Variants in RERE observed in about 807,000 individuals in gnomAD.
RERE encodes the protein arginine-glutamic acid dipeptide repeats protein.
RERE carries 40 observed loss-of-function variants against 146.1 expected under a neutral mutation model. That is an observed-to-expected ratio of 0.27 (90% CI 0.21 to 0.36). The LOEUF (loss-of-function observed/expected upper bound fraction) is 0.36, where lower values mean the gene tolerates loss of function less well. Among genes scored for constraint, RERE ranks in the 10% least tolerant of loss-of-function variants. RERE has a pLI of 1.00. For synonymous variants in RERE, 1,003 were observed against 866.0 expected, an observed-to-expected ratio of 1.16 and a Z score of -2.78; for missense variants, 1,933 against 2,138.7, an observed-to-expected ratio of 0.90 and a Z score of 1.90.
intron 12 of RERE, among the ~76,000 whole-genome samples, chr1:8,373,536 A>C (rs756478945): frequency 2.0e-4 from 30 of 152,304 alleles, no homozygotes; most frequent in Non-Finnish European, 4.0e-4. Flanking sequence ...AGGGAGAAAG[A>C]AGCATGGTGT....
At chr1:8,753,581 G>A (rs958427642) in intron 1 of RERE, 7 of 152,074 alleles carry the variant, frequency 4.6e-5, no homozygotes, top group Non-Finnish European at 7.4e-5. Flanking sequence ...ATTTAAAAAT[G>A]CTAATGAAAA....
At chr1:8,552,259 A>G (rs1645944422) in intron 6 of RERE, among the ~76,000 whole-genome samples, 1 of 152,236 alleles carries the variant, frequency 6.6e-6, no homozygotes, top group Non-Finnish European at 1.5e-5. Context: ...CAACTCTAGC[A>G]CCAGCTTGAA....
chr1:8,355,171 G>A (rs770563081), intron 22 of RERE, 51 bp from the exon 23 acceptor site: 5 of 1,596,082 alleles, frequency 3.1e-6, no homozygotes, highest in Middle Eastern at 3.3e-4. Context: ...TAGGCAGGCA[G>A]TCACGCAGGC....
chr1:8,525,941 T>C, intron 7 of RERE: 1 of 1,349,980 alleles, frequency 7.4e-7, no homozygotes, highest in Non-Finnish European at 9.5e-7. Flanking sequence ...ACCTAAGCCT[T>C]CACGCAGAAC....
intron 4 of RERE, among the ~76,000 whole-genome samples, chr1:8,590,547 A>C (rs75525814): frequency 0.021 from 3,159 of 152,270 alleles, 106 homozygotes; most frequent in African/African-American, 0.073. Context: ...ATGGAAATGC[A>C]GTGCGGCCCA....
intron 1 of RERE, among the ~76,000 whole-genome samples, chr1:8,752,365 A>G (rs1557521385): frequency 6.6e-6 from 1 of 152,180 alleles, no homozygotes; most frequent in Non-Finnish European, 1.5e-5. Context: ...TAAAAAAAGA[A>G]AAAAAATACT....
chr1:8,705,879 G>C (rs1210608166), intron 1 of RERE, among the ~76,000 whole-genome samples: 2 of 152,130 alleles, frequency 1.3e-5, no homozygotes, highest in African/African-American at 4.8e-5. Context: ...CACTTTGGGA[G>C]GCCGAGGTGG....
chr1:8,716,298 AC>A lies in RERE; in HGVS notation c.-144-59858del, dbSNP rs1345898382. Among the ~76,000 whole-genome samples the A allele has an allele frequency of 9.5e-3, 710 of 74,898 alleles. 1 individual carries two copies. Among genetic ancestry groups the A allele is most frequent in the Middle Eastern group, 0.016 (3 of 188 alleles). The allele number at this position is 74,898 out of a possible 152,430, so 49.1% of individuals were successfully genotyped here. On this transcript the variant is annotated intron_variant, in intron 1 of 22. Transcript: ENST00000400908. Reference sequence around the variant, plus strand: ...GGCAACACTGCAAGATCTCATCTCTACAAAAAAAAAAAAAAAAAAATTAAAA... The same window carrying A: ...GGCAACACTGCAAGATCTCATCTCTAAAAAAAAAAAAAAAAAAAATTAAAA...
At chr1:8,620,662 T>A (rs1646905769) in intron 3 of RERE, among the ~76,000 whole-genome samples, 1 of 152,032 alleles carries the variant, frequency 6.6e-6, no homozygotes, top group Non-Finnish European at 1.5e-5. Flanking sequence ...AAATAAAGAC[T>A]TTGCCAGCTA....
chr1:8,541,443 C>T, intron 6 of RERE, 125 bp from the exon 7 acceptor site: 1 of 592,274 alleles, frequency 1.7e-6, no homozygotes, highest in South Asian at 2.1e-5. Context: ...GCTACAAACA[C>T]CACACTTTAT....
chr1:8,615,113 TAG>T (rs1646836593), intron 3 of RERE, among the ~76,000 whole-genome samples: 1 of 152,180 alleles, frequency 6.6e-6, no homozygotes, highest in Non-Finnish European at 1.5e-5. Flanking sequence ...TGACAGAAGC[TAG>T]AGACATAAGA....
chr1:8,800,754 C>A (rs116471911), intron 1 of RERE, among the ~76,000 whole-genome samples: 1 of 152,122 alleles, frequency 6.6e-6, no homozygotes, highest in South Asian at 2.1e-4. Context: ...CACTTGAGGT[C>A]AGGAGTTTGA....
chr1:8,392,975 GT>G (rs1642934191), intron 12 of RERE, among the ~76,000 whole-genome samples: 1 of 152,122 alleles, frequency 6.6e-6, no homozygotes, highest in Non-Finnish European at 1.5e-5. Context: ...GGAAAATATA[GT>G]TGGATACTAC....
chr1:8,766,115 C>T (rs1640840706), intron 1 of RERE, among the ~76,000 whole-genome samples: 1 of 151,834 alleles, frequency 6.6e-6, no homozygotes, highest in Admixed American at 6.6e-5. Context: ...CATCTCAAAA[C>T]AACAACAACA....
At chr1:8,763,795 C>T (rs529530020) in intron 1 of RERE, among the ~76,000 whole-genome samples, 2 of 151,750 alleles carry the variant, frequency 1.3e-5, no homozygotes, top group South Asian at 2.1e-4. Context: ...AAAAATTAGC[C>T]GGGTGTGGTG....
chr1:8,481,328 A>C (rs547655386), intron 10 of RERE, among the ~76,000 whole-genome samples: 8 of 152,166 alleles, frequency 5.3e-5, no homozygotes, highest in African/African-American at 1.9e-4. Context: ...GTTGGCTAGA[A>C]TGGTCTCAAT....
At position 8,789,282 on chromosome 1, in the gene RERE, C is replaced by CAAAAA. The variant is rs58993452; in HGVS notation, c.-145+27873_-145+27877dup. On this transcript the variant is annotated intron_variant, in intron 1 of 22. Coordinates refer to ENST00000400908, the MANE Select transcript of RERE (RefSeq NM_001042681.2). ...CAACACAGCAAGACCTCCTCTCTAC[C>CAAAAA]AAAAAAAAAAAAAAAAAAAATATAT... is the stretch of plus-strand genomic sequence containing the variant. Among the ~76,000 whole-genome samples, 7 of 38,496 alleles carry CAAAAA rather than the reference C, an allele frequency of 1.8e-4. 1 individual carries two copies. Among genetic ancestry groups the CAAAAA allele is most frequent in the African/African-American group, 3.7e-4 (2 of 5,396 alleles). 25.3% of individuals were successfully genotyped at this position (38,496 alleles called of 152,430 possible).
chr1:8,430,228 A>G (rs1644077781), intron 11 of RERE, among the ~76,000 whole-genome samples: 1 of 152,198 alleles, frequency 6.6e-6, no homozygotes, highest in Non-Finnish European at 1.5e-5. Context: ...TAACATTTTA[A>G]TGAAAGGGTG....
chr1:8,557,138 G>C (rs1646017518), intron 5 of RERE, among the ~76,000 whole-genome samples: 1 of 152,046 alleles, frequency 6.6e-6, no homozygotes, highest in South Asian at 2.1e-4. Context: ...TCAGGGCCAG[G>C]CAAAGTTTGA....
Sources: allele counts gnomAD v4.1 joint callset (sites outside exome capture counted in the v4.1 genomes callset), GRCh38; gene constraint gnomAD v4.1.1; transcripts MANE v1.5; gene names NCBI Gene and HGNC (gene_info 2026-07-23, HGNC 2026-07-21).